The following TBX15 variants were observed in gnomAD, a reference collection of about 807,000 sequenced individuals.
The protein encoded by TBX15 is T-box transcription factor TBX15.
In TBX15, 18 loss-of-function variants were observed where a neutral mutation model predicts 53.9. That is an observed-to-expected ratio of 0.33 (90% CI 0.23 to 0.49). The LOEUF (loss-of-function observed/expected upper bound fraction) is 0.49. TBX15 is among the 20% of genes least tolerant of loss of function. TBX15 has a pLI of 0.98. For synonymous variants in TBX15, 295 were observed against 278.0 expected, an observed-to-expected ratio of 1.06 and a Z score of -0.61; for missense variants, 692 against 749.5, an observed-to-expected ratio of 0.92 and a Z score of 0.90.
chr1:118,895,502 T>A (rs1489830946), intron 7 of TBX15, among the ~76,000 whole-genome samples: 1 of 152,188 alleles, frequency 6.6e-6, no homozygotes, highest in Non-Finnish European at 1.5e-5. Context: ...CAGGATTGCA[T>A]TGTATTTAGT....
intron 1 of TBX15, among the ~76,000 whole-genome samples, chr1:118,957,992 C>T (rs1201444648): frequency 6.6e-6 from 1 of 152,062 alleles, no homozygotes; most frequent in African/African-American, 2.4e-5. Flanking sequence ...ATTCTCAATG[C>T]AATATTTTTA....
At chr1:118,963,323 A>G (rs1337551943) in intron 1 of TBX15, among the ~76,000 whole-genome samples, 4 of 152,200 alleles carry the variant, frequency 2.6e-5, no homozygotes, top group African/African-American at 9.7e-5. Flanking sequence ...CTTTCATTGA[A>G]TCAATCCTCT....
At chr1:118,978,229 T>C (rs1657502852) in intron 1 of TBX15, among the ~76,000 whole-genome samples, 1 of 152,260 alleles carries the variant, frequency 6.6e-6, no homozygotes, top group South Asian at 2.1e-4. Flanking sequence ...ATTCTAGCTC[T>C]AAAAATCTCT....
chr1:118,981,230 G>A (rs1406286911), intron 1 of TBX15, among the ~76,000 whole-genome samples: 3 of 151,708 alleles, frequency 2.0e-5, no homozygotes, highest in Admixed American at 2.0e-4. Flanking sequence ...CTTTAGAATC[G>A]TCCCATGATA....
intron 6 of TBX15, among the ~76,000 whole-genome samples, chr1:118,905,181 G>T (rs143234892): frequency 8.5e-4 from 130 of 152,284 alleles, no homozygotes; most frequent in Non-Finnish European, 1.0e-4. Flanking sequence ...ATTAAATGTG[G>T]AGGGAGCTGT....
At position 118,954,837 on chromosome 1, in the gene TBX15, CTG is replaced by C. The variant is rs752649525; in HGVS notation, c.206-23007_206-23006del. 6.0e-4 allele frequency among the ~76,000 whole-genome samples: 91 copies of C among 152,320 alleles called. 1 individual carries two copies. Among genetic ancestry groups the C allele is most frequent in the Non-Finnish European group, 6.9e-4 (47 of 68,026 alleles). On this transcript the variant is annotated intron_variant, in intron 1 of 7. Coordinates refer to ENST00000369429, the MANE Select transcript of TBX15 (RefSeq NM_001330677.2). ...CAACTGATGCACACAGGCATCTCAG[CTG>C]GAAGCACTGCATGATTTTATAGGCC...
intron 1 of TBX15, among the ~76,000 whole-genome samples, chr1:118,939,415 A>AG (rs1656077492): frequency 8.8e-6 from 1 of 112,998 alleles, no homozygotes; most frequent in African/African-American, 4.0e-5. Flanking sequence ...CTCAAAAAAA[A>AG]AAAAAAAAAA....
chr1:118,951,923 C>T (rs145019145), intron 1 of TBX15, among the ~76,000 whole-genome samples: 1 of 152,324 alleles, frequency 6.6e-6, no homozygotes, highest in Non-Finnish European at 1.5e-5. Context: ...TCCATGCCTT[C>T]AGCTGGCAGG....
chr1:118,984,556 C>G (rs1432376466), intron 1 of TBX15, among the ~76,000 whole-genome samples: 1 of 152,210 alleles, frequency 6.6e-6, no homozygotes, highest in East Asian at 1.9e-4. Context: ...GCTGTTCCAG[C>G]CGATCCTAGC....
At chr1:118,943,825 G>T (rs1384805155) in intron 1 of TBX15, among the ~76,000 whole-genome samples, 1 of 152,110 alleles carries the variant, frequency 6.6e-6, no homozygotes, top group Non-Finnish European at 1.5e-5. Context: ...CTCCCAGGGA[G>T]CACGAGCAGG....
intron 1 of TBX15, among the ~76,000 whole-genome samples, chr1:118,981,303 T>TATAC (rs1553228650): frequency 8.2e-5 from 12 of 146,828 alleles, no homozygotes; most frequent in Middle Eastern, 3.5e-3. Context: ...TTAAACTAGC[T>TATAC]ACACACACAC....
intron 6 of TBX15, among the ~76,000 whole-genome samples, chr1:118,911,536 G>A (rs1655025185): frequency 6.6e-6 from 1 of 152,208 alleles, no homozygotes; most frequent in South Asian, 2.1e-4. Context: ...CACTTGAACT[G>A]AGATGTCATC....
rs1315095626 is a variant in TBX15, at chr1:118,883,452, A to G, written c.*1280T>C. ...GATCTAAGGGCAGGTAGAAGGGTAT[A>G]GAAGACCCATCTGCAATTCCCTGGG... On this transcript the variant is annotated 3_prime_UTR_variant, in exon 8 of 8. Coordinates refer to ENST00000369429, the MANE Select transcript of TBX15 (RefSeq NM_001330677.2). The G allele has an allele frequency of 6.6e-6, 1 of 152,334 alleles. No homozygotes were observed. Among genetic ancestry groups the G allele is most frequent in the African/African-American group, 2.4e-5 (1 of 41,456 alleles). 9.4% of individuals were successfully genotyped at this position (152,334 alleles called of 1,614,324 possible).
intron 7 of TBX15, among the ~76,000 whole-genome samples, chr1:118,894,816 G>A (rs74599171): frequency 0.018 from 2,806 of 152,216 alleles, 43 homozygotes; most frequent in Non-Finnish European, 0.031. Context: ...ATCAATTACT[G>A]TTTGTTTTAA....
chr1:118,974,065 G>A (rs1235606614), intron 1 of TBX15, among the ~76,000 whole-genome samples: 1 of 152,186 alleles, frequency 6.6e-6, no homozygotes, highest in Non-Finnish European at 1.5e-5. Flanking sequence ...TGCATACCTT[G>A]CAGAATCTAC....
In TBX15 at chr1:118,987,828, C is replaced by G; in HGVS notation, c.-33G>C. 3 of 1,545,494 alleles carry G rather than the reference C, an allele frequency of 1.9e-6. No homozygotes were observed. Among genetic ancestry groups the G allele is most frequent in the South Asian group, 1.2e-5 (1 of 83,930 alleles). On this transcript the variant is annotated 5_prime_UTR_variant, in exon 1 of 8. Transcript: ENST00000369429. ...GCCCACACCCCTGCCTCCGCTTGCCCCCGCTACCGAGGGAGCAGCCGGCGC... is the reference window on the plus strand; with the variant it reads ...GCCCACACCCCTGCCTCCGCTTGCCGCCGCTACCGAGGGAGCAGCCGGCGC...
chr1:118,929,828 CA>C (rs1395417215), intron 2 of TBX15, among the ~76,000 whole-genome samples: 1 of 147,296 alleles, frequency 6.8e-6, no homozygotes, highest in Non-Finnish European at 1.5e-5. Context: ...AGTAAAAACC[CA>C]AAAAGAATAC....
At chr1:118,966,948 G>A (rs1471922671) in intron 1 of TBX15, among the ~76,000 whole-genome samples, 1 of 152,204 alleles carries the variant, frequency 6.6e-6, no homozygotes, top group Admixed American at 6.5e-5. Flanking sequence ...AGTCAAAACA[G>A]TTAATCTGAT....
intron 5 of TBX15, among the ~76,000 whole-genome samples, chr1:118,917,024 A>T (rs1006048010): frequency 6.6e-6 from 1 of 152,236 alleles, no homozygotes; most frequent in Non-Finnish European, 1.5e-5. Flanking sequence ...TTCCTCAAAG[A>T]CCTAGAATCA....
Sources: allele counts gnomAD v4.1 joint callset (sites outside exome capture counted in the v4.1 genomes callset), GRCh38; gene constraint gnomAD v4.1.1; transcripts MANE v1.5; gene names NCBI Gene and HGNC (gene_info 2026-07-23, HGNC 2026-07-21).